UEVLD: variants seen among roughly 807,000 people sequenced by gnomAD.
UEVLD encodes UEV and lactate/malate dehyrogenase domains.
Under a neutral mutation model 58.6 loss-of-function variants are expected in UEVLD, and 47 were observed. The observed-to-expected ratio is 0.80, with a 90% CI of 0.63 to 1.02. The LOEUF (loss-of-function observed/expected upper bound fraction) is 1.02, where lower values mean the gene tolerates loss of function less well. Among genes scored for constraint, UEVLD ranks in the 50% least tolerant of loss-of-function variants. UEVLD has a pLI of 0.00. For missense variants in UEVLD, 510 were observed against 550.6 expected, an observed-to-expected ratio of 0.93 and a Z score of 0.74; for synonymous variants, 197 against 195.3, an observed-to-expected ratio of 1.01 and a Z score of -0.07.
In UEVLD at chr11:18,533,948, A is replaced by T. The variant is rs531380633; in HGVS notation, c.1248+382T>A. Reference sequence around the variant, plus strand: ...ATTACAGGCGTGAGCCACTGCCCCCAGTCAAAATGTTATCTTTGGAGACAG... The same window carrying T: ...ATTACAGGCGTGAGCCACTGCCCCCTGTCAAAATGTTATCTTTGGAGACAG... On this transcript the variant is annotated intron_variant, in intron 11 of 11. Coordinates refer to ENST00000396197, the MANE Select transcript of UEVLD (RefSeq NM_001040697.4). Among the ~76,000 whole-genome samples, 247 of 152,282 alleles carry T rather than the reference A, an allele frequency of 1.6e-3. 2 individuals carry two copies. The Middle Eastern group carries it at 0.024, about 15-fold the overall frequency.
chr11:18,546,728 AC>A, intron 8 of UEVLD, 151 bp downstream of exon 8: 2 of 728,968 alleles, frequency 2.7e-6, no homozygotes, highest in South Asian at 4.0e-5. Flanking sequence ...GGAACTCCTG[AC>A]CTCAGGTGAT....
Position 18,560,132 on chromosome 11 carries a change from CACACACAG to C in UEVLD, c.613-1810_613-1803del, listed in dbSNP as rs1312544280. On this transcript the variant is annotated intron_variant, in intron 6 of 11. Transcript: ENST00000396197. The stretch of plus-strand genomic sequence containing the variant: ...ACACACACACACACACACACACACA[CACACACAG>C]AGAGAGAAAGAAAATAACCCTGCTA... Among the ~76,000 whole-genome samples, 36 of 86,880 alleles carry C rather than the reference CACACACAG, an allele frequency of 4.1e-4. 2 individuals carry two copies. The highest frequency in any genetic ancestry group is 1.5e-3 in the African/African-American group (30 of 20,460). 57.0% of individuals were successfully genotyped at this position (86,880 alleles called of 152,430 possible).
intron 7 of UEVLD, among the ~76,000 whole-genome samples, chr11:18,555,237 T>C (rs566497218): frequency 2.5e-3 from 373 of 152,030 alleles, no homozygotes; most frequent in Non-Finnish European, 4.0e-3. Flanking sequence ...CCATCCTAGC[T>C]AACATGGTGA....
chr11:18,575,488 A>G (rs1294660796), intron 2 of UEVLD, 76 bp from the exon 3 acceptor site: 3 of 1,412,326 alleles, frequency 2.1e-6, no homozygotes, highest in Admixed American at 4.3e-5. Context: ...GTAAGTGTGC[A>G]CATGTGTGTG....
chr11:18,544,814 G>A lies in UEVLD; in HGVS notation c.887-18C>T. 7.4e-6 allele frequency: 11 copies of A among 1,493,512 alleles called. No homozygotes were observed. The highest frequency in any genetic ancestry group is 2.9e-5 in the African/African-American group (2 of 68,204). 92.5% of individuals were successfully genotyped at this position (1,493,512 alleles called of 1,614,324 possible). A position where few individuals can be genotyped will look rare whatever the true frequency, so the allele number is the denominator to read the frequency against. ...GATTTCCACTAAATATTGCATACAA[G>A]GTAAAAAATGTAAAGGTTAAAAAAT... is the stretch of plus-strand genomic sequence containing the variant. On this transcript the variant is annotated intron_variant, in intron 8 of 11. Coordinates refer to ENST00000396197, the MANE Select transcript of UEVLD (RefSeq NM_001040697.4).
intron 11 of UEVLD, among the ~76,000 whole-genome samples, chr11:18,533,424 T>G (rs948367833): frequency 6.6e-6 from 1 of 151,930 alleles, no homozygotes; most frequent in African/African-American, 2.4e-5. Flanking sequence ...ATGTGATATT[T>G]GTCTTTCTGG....
At chr11:18,554,944 G>A (rs1485826825) in intron 7 of UEVLD, among the ~76,000 whole-genome samples, 2 of 152,040 alleles carry the variant, frequency 1.3e-5, no homozygotes, top group Non-Finnish European at 2.9e-5. Context: ...GATGTACTTC[G>A]CCATATCTCA....
At chr11:18,550,772 T>C (rs974906093) in intron 7 of UEVLD, among the ~76,000 whole-genome samples, 5 of 152,242 alleles carry the variant, frequency 3.3e-5, no homozygotes, top group African/African-American at 1.2e-4. Context: ...TCTGACCAAA[T>C]AGAGTCTTCC....
chr11:18,556,758 T>C (rs1851771768), intron 7 of UEVLD, among the ~76,000 whole-genome samples: 2 of 152,080 alleles, frequency 1.3e-5, no homozygotes, highest in Non-Finnish European at 2.9e-5. Context: ...TATACTAATA[T>C]GTTACGTACA....
chr11:18,548,123 A>G (rs1290742211), intron 7 of UEVLD, among the ~76,000 whole-genome samples: 3 of 152,128 alleles, frequency 2.0e-5, no homozygotes, highest in Non-Finnish European at 4.4e-5. Flanking sequence ...TGGGAACTAC[A>G]GGTAATCAAC....
intron 1 of UEVLD, among the ~76,000 whole-genome samples, chr11:18,580,844 G>T (rs548990511): frequency 6.6e-6 from 1 of 152,038 alleles, no homozygotes; most frequent in Non-Finnish European, 1.5e-5. Flanking sequence ...TCCTCTCTCA[G>T]AGCCTTAAGT....
chr11:18,554,338 C>T (rs1018877579), intron 7 of UEVLD, among the ~76,000 whole-genome samples: 6 of 151,612 alleles, frequency 4.0e-5, no homozygotes, highest in African/African-American at 1.5e-4. Flanking sequence ...GTGATCCTCC[C>T]GCCTCGGCCT....
intron 3 of UEVLD, among the ~76,000 whole-genome samples, chr11:18,575,098 T>C (rs750599060): frequency 1.3e-5 from 2 of 152,190 alleles, no homozygotes; most frequent in Non-Finnish European, 1.5e-5. Context: ...AATGCTGAAC[T>C]CTTTTTAAGA....
In UEVLD at chr11:18,574,481, GATAA is replaced by G. The variant is rs113550793; in HGVS notation, c.193+862_193+865del. On this transcript the variant is annotated intron_variant, in intron 3 of 11. Coordinates refer to ENST00000396197, the MANE Select transcript of UEVLD (RefSeq NM_001040697.4). The stretch of plus-strand genomic sequence containing the variant: ...TGGTGAAATTTCAGGCACCACTTCA[GATAA>G]ATATTTGGAAACAAAGATTCACTGG... 7.2e-5 allele frequency among the ~76,000 whole-genome samples: 11 copies of G among 152,260 alleles called. 1 individual carries two copies. Among genetic ancestry groups the G allele is most frequent in the African/African-American group, 2.6e-4 (11 of 41,552 alleles).
intron 9 of UEVLD, among the ~76,000 whole-genome samples, chr11:18,539,582 ACTTT>A (rs1234755417): frequency 1.3e-5 from 2 of 152,184 alleles, no homozygotes; most frequent in Non-Finnish European, 2.9e-5. Context: ...TAGGTGGATT[ACTTT>A]CTTTAAAAAT....
chr11:18,568,843 T>C (rs571525772), intron 4 of UEVLD, among the ~76,000 whole-genome samples: 3 of 152,154 alleles, frequency 2.0e-5, no homozygotes, highest in Non-Finnish European at 4.4e-5. Context: ...CCAACCTCAC[T>C]GGACTCCAAT....
chr11:18,560,975 C>A (rs1188754047), intron 6 of UEVLD, among the ~76,000 whole-genome samples: 1 of 151,206 alleles, frequency 6.6e-6, no homozygotes, highest in African/African-American at 2.4e-5. Context: ...TGCGCCATTG[C>A]ACTCCAGCCT....
Position 18,588,667 on chromosome 11 carries a change from C to G in UEVLD, c.-13G>C, listed in dbSNP as rs745925426. 196 of 1,608,044 alleles carry G rather than the reference C, an allele frequency of 1.2e-4. No homozygotes were observed. Among genetic ancestry groups the G allele is most frequent in the Non-Finnish European group, 1.5e-4 (178 of 1,179,740 alleles). On this transcript the variant is annotated 5_prime_UTR_variant, in exon 1 of 12. Transcript: ENST00000396197. ...AGTCGAACTCCATCTCCAGGCCGGT[C>G]CCGAGCTAGGTCCCAGGACTCCAGC...
At chr11:18,557,914 A>G (rs986974409) in intron 7 of UEVLD, among the ~76,000 whole-genome samples, 1 of 152,216 alleles carries the variant, frequency 6.6e-6, no homozygotes, top group East Asian at 1.9e-4. Flanking sequence ...GCTCTTAACC[A>G]ATATATTCTA....
Sources: gnomAD v4.1 joint callset for allele counts (sites outside exome capture counted in the v4.1 genomes callset) on GRCh38, gnomAD v4.1.1 for gene constraint, MANE v1.5 for transcripts, NCBI Gene and HGNC (gene_info 2026-07-23, HGNC 2026-07-21) for gene names.